The following ZEB1 variants were observed in gnomAD, a reference collection of about 807,000 sequenced individuals.
ZEB1 encodes zinc finger E-box binding homeobox 1.
A neutral mutation model predicts 84.9 loss-of-function variants in ZEB1; 21 were observed. The ratio of observed to expected loss-of-function variants is 0.25; its 90% CI spans 0.18 to 0.36. ZEB1 has a LOEUF of 0.36. Among genes scored for constraint, ZEB1 ranks in the 10% least tolerant of loss-of-function variants. The pLI, the probability that ZEB1 is intolerant of heterozygous loss-of-function variation, is 1.00. For synonymous variants in ZEB1, 420 were observed against 471.1 expected (o/e 0.89, Z 1.41); for missense variants, 1,104 against 1,330.2 (o/e 0.83, Z 2.65).
At chr10:31,524,207 T>C (rs1313394027) in intron 8 of ZEB1, 94 bp downstream of exon 8, 3 of 1,388,492 alleles carry the variant, frequency 2.2e-6, no homozygotes, top group East Asian at 4.8e-5. Flanking sequence ...TCTTTCTTTT[T>C]TTTTTTTTTT....
At chr10:31,467,719 A>G (rs536229978) in intron 2 of ZEB1, among the ~76,000 whole-genome samples, 83 of 152,300 alleles carry the variant, frequency 5.4e-4, no homozygotes, top group Middle Eastern at 3.4e-3. Context: ...GCCTGATCTC[A>G]AGCAGGGGAG....
chr10:31,527,077 A>C lies in ZEB1; in HGVS notation c.3191A>C (p.Glu1064Ala). ...GAATGTGAAAAACCACAAGGGGATG[A>C]GGAAGAGGAGGAGGAGGAGGAAGAA... ...EKECEKPQGDEEEEEEEEEVE... is the reference protein window; with the variant it reads ...EKECEKPQGDAEEEEEEEEVE... Residue 1064 changes from glutamate (E) to alanine (A), a missense_variant, in exon 9 of 9, where the codon GAG becomes GCG. Around this residue, in one of 7 missense-constraint regions of ZEB1, gnomAD observed 173 missense variants for 167.0 expected, o/e 1.04. Transcript: ENST00000424869. 1 of 1,588,798 alleles carries C rather than the reference A, an allele frequency of 6.3e-7. No homozygotes were observed. Among genetic ancestry groups the C allele is most frequent in the Non-Finnish European group, 8.6e-7 (1 of 1,165,114 alleles).
At chr10:31,437,115 C>T (rs1292582935) in intron 1 of ZEB1, among the ~76,000 whole-genome samples, 1 of 152,052 alleles carries the variant, frequency 6.6e-6, no homozygotes, top group Non-Finnish European at 1.5e-5. Context: ...ACAAAATACT[C>T]AATTTTACCT....
rs899789093 is a variant in ZEB1 at position 31,387,126 on chromosome 10, C to A, written c.58+67834C>A. ...TTTACTCTTCTCTCCTCCCTTAGGACAACCTTAAACTTCCACCACAAGAGG... is the reference window on the plus strand; with the variant it reads ...TTTACTCTTCTCTCCTCCCTTAGGAAAACCTTAAACTTCCACCACAAGAGG... On this transcript the variant is annotated intron_variant, in intron 1 of 8. Transcript: ENST00000424869. The A allele has an allele frequency of 4.1e-6, 4 of 985,712 alleles. No homozygotes were observed. In the African/African-American group the frequency reaches 5.2e-5, roughly 13 times the overall value. The allele number at this position is 985,712 out of a possible 1,614,324, so 61.1% of individuals were successfully genotyped here.
chr10:31,363,257 G>A (rs750386237), intron 1 of ZEB1: 2 of 1,533,938 alleles, frequency 1.3e-6, no homozygotes, highest in South Asian at 2.4e-5. Flanking sequence ...CCCGGAACTG[G>A]GGCAGGGAGC....
intron 1 of ZEB1, among the ~76,000 whole-genome samples, chr10:31,409,793 C>A: frequency 6.6e-6 from 1 of 152,158 alleles, no homozygotes; most frequent in Non-Finnish European, 1.5e-5. Context: ...GGAGTTCACT[C>A]ATGATTTGGC....
intron 2 of ZEB1, among the ~76,000 whole-genome samples, chr10:31,476,633 G>A (rs1170164758): frequency 6.6e-6 from 1 of 151,932 alleles, no homozygotes; most frequent in East Asian, 1.9e-4. Flanking sequence ...TTATCTCCCT[G>A]ATGAATATAA....
intron 1 of ZEB1, among the ~76,000 whole-genome samples, chr10:31,380,883 A>G (rs1245758477): frequency 1.3e-5 from 2 of 152,194 alleles, no homozygotes; most frequent in Non-Finnish European, 2.9e-5. Context: ...GTATCAGGAT[A>G]ATTTTATGTA....
intron 1 of ZEB1, among the ~76,000 whole-genome samples, chr10:31,454,073 G>A (rs1451315740): frequency 6.6e-6 from 1 of 152,138 alleles, no homozygotes; most frequent in Non-Finnish European, 1.5e-5. Context: ...GATCAAATCA[G>A]CTTCATACCT....
intron 2 of ZEB1, among the ~76,000 whole-genome samples, chr10:31,473,654 A>G (rs1353950123): frequency 6.7e-6 from 1 of 149,250 alleles, no homozygotes; most frequent in Admixed American, 6.7e-5. Flanking sequence ...TTACAGATTC[A>G]ATGCCATCCC....
Position 31,363,736 on chromosome 10 carries a change from G to A in ZEB1, c.58+44444G>A, listed in dbSNP as rs150382296. On this transcript the variant is annotated intron_variant, in intron 1 of 8. Transcript: ENST00000424869. ...TATGGAGTTGTGAGGAGACAGCACGGGTTTCTTCCTTGAGGGGGGGCTCCA... is the reference window on the plus strand; with the variant it reads ...TATGGAGTTGTGAGGAGACAGCACGAGTTTCTTCCTTGAGGGGGGGCTCCA... 1.9e-3 allele frequency: 2,251 copies of A among 1,193,978 alleles called. 25 individuals are homozygous for A. The African/African-American group carries it at 0.029, about 16-fold the overall frequency. 74.0% of individuals were successfully genotyped at this position (1,193,978 alleles called of 1,614,324 possible). A position where few individuals can be genotyped will look rare whatever the true frequency, so the allele number is the denominator to read the frequency against.
At chr10:31,523,528 C>G (rs1401655232) in intron 7 of ZEB1, among the ~76,000 whole-genome samples, 1 of 152,198 alleles carries the variant, frequency 6.6e-6, no homozygotes, top group Non-Finnish European at 1.5e-5. Flanking sequence ...GCAAAAGATG[C>G]AGTTAGTAAT....
rs193275937 is a variant in ZEB1, at chr10:31,364,859, C to T, written c.58+45567C>T. ...CATGTAGTCCTGGGGTACTTAGCAC[C>T]GTGGCATATCTGTAATAAGCACATG... On this transcript the variant is annotated intron_variant, in intron 1 of 8. Transcript: ENST00000424869. 2.2e-3 allele frequency among the ~76,000 whole-genome samples: 341 copies of T among 152,286 alleles called. 2 individuals are homozygous for T. Among genetic ancestry groups the T allele is most frequent in the African/African-American group, 5.8e-3 (239 of 41,554 alleles).
intron 1 of ZEB1, among the ~76,000 whole-genome samples, chr10:31,343,837 G>A (rs904606741): frequency 6.6e-6 from 1 of 152,046 alleles, no homozygotes; most frequent in African/African-American, 2.4e-5. Flanking sequence ...TCATTTTACC[G>A]TGTTCTTTGT....
intron 1 of ZEB1, among the ~76,000 whole-genome samples, chr10:31,426,068 A>G (rs935108184): frequency 6.6e-6 from 1 of 152,212 alleles, no homozygotes; most frequent in Non-Finnish European, 1.5e-5. Context: ...GTGAATTTGA[A>G]TAGTTTGCTT....
rs559095868 is a variant in ZEB1 at position 31,490,816 on chromosome 10, G to A, written c.260-4960G>A. Among the ~76,000 whole-genome samples, 86 of 151,716 alleles carry A rather than the reference G, an allele frequency of 5.7e-4. 1 individual carries two copies. The highest frequency in any genetic ancestry group is 3.4e-3 in the Middle Eastern group (1 of 294). On this transcript the variant is annotated intron_variant, in intron 2 of 8. Coordinates refer to ENST00000424869, the MANE Select transcript of ZEB1 (RefSeq NM_001174096.2). ...ATAAGTTAAATAAGACTAATACTTC[G>A]TCTTATTTAAATCCTATCGAGAATT...
intron 1 of ZEB1, among the ~76,000 whole-genome samples, chr10:31,407,147 A>T (rs2053244986): frequency 1.3e-5 from 2 of 151,700 alleles, no homozygotes; most frequent in South Asian, 4.2e-4. Flanking sequence ...CACAATGTGC[A>T]GGTTAGTTAC....
intron 1 of ZEB1, among the ~76,000 whole-genome samples, chr10:31,344,249 AATTAG>A (rs1422609913): frequency 2.6e-5 from 4 of 152,108 alleles, no homozygotes; most frequent in African/African-American, 4.8e-5. Flanking sequence ...TAAAGTCAAT[AATTAG>A]ATTAGATTGT....
intron 1 of ZEB1, among the ~76,000 whole-genome samples, chr10:31,415,478 T>C (rs2055056713): frequency 6.6e-6 from 1 of 152,094 alleles, no homozygotes; most frequent in Non-Finnish European, 1.5e-5. Context: ...ACCATGTTCG[T>C]TTTCTAATTT....
Sources: gnomAD v4.1 joint callset for allele counts (sites outside exome capture counted in the v4.1 genomes callset) on GRCh38, gnomAD v4.1.1 for gene constraint, gnomAD v4.1.1 regional missense constraint, MANE v1.5 for transcripts, NCBI Gene and HGNC (gene_info 2026-07-23, HGNC 2026-07-21) for gene names.